The following HDLBP variants were observed in gnomAD, a reference collection of about 807,000 sequenced individuals.
The protein encoded by HDLBP is high density lipoprotein binding protein.
Under a neutral mutation model 137.3 loss-of-function variants are expected in HDLBP, and 30 were observed. That is an observed-to-expected ratio of 0.22 (90% CI 0.16 to 0.30). The LOEUF (loss-of-function observed/expected upper bound fraction) is 0.30, where lower values mean the gene tolerates loss of function less well. Ranked by LOEUF, HDLBP falls within the 10% of genes least tolerant of loss-of-function variation. The pLI is 1.00. For missense variants in HDLBP, 1,119 were observed against 1,667.3 expected (o/e 0.67, Z 5.73); for synonymous variants, 606 against 596.0 (o/e 1.02, Z -0.24).
intron 11 of HDLBP, among the ~76,000 whole-genome samples, chr2:241,251,624 G>T (rs549173558): frequency 1.3e-5 from 2 of 152,346 alleles, no homozygotes; most frequent in East Asian, 3.9e-4. Context: ...GTGTGCACTT[G>T]TTTTCAGAAC....
At position 241,272,553 on chromosome 2, in the gene HDLBP, A is replaced by G. The variant is rs1170068921; in HGVS notation, c.-102-4012T>C. The stretch of plus-strand genomic sequence containing the variant: ...GCAGAAGAGACTCGGAGCCGGCCCC[A>G]GGTCTGGCCCGGAACCGCCACGCGC... On this transcript the variant is annotated intron_variant, in intron 1 of 27. Transcript: ENST00000310931. The surrounding 1 kb of genome is among the most constrained non-coding windows in gnomAD (Gnocchi z 5.6). 31 of 983,874 alleles carry G rather than the reference A, an allele frequency of 3.2e-5. No homozygotes were observed. Among genetic ancestry groups the G allele is most frequent in the Non-Finnish European group, 8.4e-6 (7 of 829,514 alleles). The allele number at this position is 983,874 out of a possible 1,614,324, so 60.9% of individuals were successfully genotyped here.
intron 6 of HDLBP, 42 bp downstream of exon 6, chr2:241,256,558 A>T: frequency 6.3e-7 from 1 of 1,596,240 alleles, no homozygotes; most frequent in Middle Eastern, 2.1e-4. Flanking sequence ...AGGTCTGCAC[A>T]AGCAGGTAGG....
rs772856476 is a variant in HDLBP, at chr2:241,256,682, G to T, written c.575C>A (p.Pro192His). The T allele has an allele frequency of 1.2e-6, 2 of 1,614,216 alleles. No individual in the cohort carries two copies. The highest frequency in any genetic ancestry group is 1.7e-6 in the Non-Finnish European group (2 of 1,180,046). Residue 192 changes from proline (P) to histidine (H), a missense_variant, in exon 6 of 28, where the codon CCC becomes CAC. Pro to His is a moderately conservative substitution (Grantham distance 77). Coordinates refer to ENST00000310931, the MANE Select transcript of HDLBP (RefSeq NM_005336.6). ...GCCAGTGATCTTGATCTGATTGCTGGGGTCATCTGGGCGTGGGATCTGGAT... is the reference window on the plus strand; with the variant it reads ...GCCAGTGATCTTGATCTGATTGCTGTGGTCATCTGGGCGTGGGATCTGGAT... ...TKIQIPRPDD[P>H]SNQIKITGTK...
chr2:241,260,010 T>C (rs1247787753), intron 5 of HDLBP, among the ~76,000 whole-genome samples: 1 of 152,156 alleles, frequency 6.6e-6, no homozygotes, highest in Admixed American at 6.5e-5. Context: ...TATTTATTTA[T>C]TTATTATTTT....
At chr2:241,242,416 G>T in intron 17 of HDLBP, 44 bp downstream of exon 17, 1 of 1,538,170 alleles carries the variant, frequency 6.5e-7, no homozygotes, top group South Asian at 1.1e-5. Context: ...CTGTACTGAG[G>T]ACCAGGCTTC....
At chr2:241,286,559 T>C (rs1042445127) in intron 1 of HDLBP, among the ~76,000 whole-genome samples, 3 of 152,162 alleles carry the variant, frequency 2.0e-5, no homozygotes, top group African/African-American at 4.8e-5. Flanking sequence ...GAACCAATGT[T>C]CGTCCTGTAT....
chr2:241,296,411 G>T (rs1299965078), intron 1 of HDLBP, among the ~76,000 whole-genome samples: 1 of 152,162 alleles, frequency 6.6e-6, no homozygotes, highest in African/African-American at 2.4e-5. Flanking sequence ...GAAGATTAAG[G>T]AGGAAAACCT....
Position 241,230,726 on chromosome 2 carries a change from G to GA in HDLBP, c.3474+32dup. The GA allele has an allele frequency of 6.3e-7, 1 of 1,593,938 alleles. No individual in the cohort carries two copies. Among genetic ancestry groups the GA allele is most frequent in the Non-Finnish European group, 8.6e-7 (1 of 1,162,336 alleles). On this transcript the variant is annotated intron_variant, in intron 25 of 27. Transcript: ENST00000310931. This position sits in a 1 kb window ranked among gnomAD's most constrained non-coding sequence, Gnocchi z 5.0. The stretch of plus-strand genomic sequence containing the variant: ...CAGCCAGGTGCCCCCGGTGAGAGAG[G>GA]ATTCTCACCCACTGTGCTTCCAGCC...
At chr2:241,251,699 GCA>G (rs1574921167) in intron 11 of HDLBP, among the ~76,000 whole-genome samples, 4 of 152,250 alleles carry the variant, frequency 2.6e-5, no homozygotes, top group Non-Finnish European at 4.4e-5. Flanking sequence ...TCTTGGTTGG[GCA>G]CAGTGGCTCA....
intron 2 of HDLBP, chr2:241,267,704 G>A: frequency 6.5e-7 from 1 of 1,535,160 alleles, no homozygotes; most frequent in Non-Finnish European, 8.7e-7. Flanking sequence ...GGTTATAAGT[G>A]GTAGCTGCGT....
chr2:241,231,605 C>T (rs905493262), intron 24 of HDLBP, among the ~76,000 whole-genome samples: 3 of 152,148 alleles, frequency 2.0e-5, no homozygotes, highest in Non-Finnish European at 2.9e-5. Flanking sequence ...TCTTTGCCCA[C>T]GTGGGCCACA....
intron 1 of HDLBP, among the ~76,000 whole-genome samples, chr2:241,307,639 T>C (rs1199721768): frequency 2.0e-5 from 3 of 152,178 alleles, no homozygotes; most frequent in African/African-American, 7.2e-5. Context: ...CTAAACTGTA[T>C]CTTCAAAACT....
intron 1 of HDLBP, among the ~76,000 whole-genome samples, chr2:241,313,458 T>C (rs1346414071): frequency 1.3e-5 from 2 of 152,168 alleles, no homozygotes; most frequent in Non-Finnish European, 2.9e-5. Flanking sequence ...TTTTGTATTT[T>C]TAGTAGAGAC....
intron 1 of HDLBP, among the ~76,000 whole-genome samples, chr2:241,277,483 G>C (rs1309389483): frequency 6.6e-6 from 1 of 151,958 alleles, no homozygotes; most frequent in Non-Finnish European, 1.5e-5. Flanking sequence ...ATTAAAAGGG[G>C]GTCAAAAACT....
intron 1 of HDLBP, among the ~76,000 whole-genome samples, chr2:241,281,832 A>C (rs578231988): frequency 6.6e-6 from 1 of 152,320 alleles, no homozygotes; most frequent in African/African-American, 2.4e-5. Context: ...TCACTTGTTT[A>C]TTTTTATATT....
intron 1 of HDLBP, among the ~76,000 whole-genome samples, chr2:241,308,199 G>A (rs137922121): frequency 2.0e-5 from 3 of 152,262 alleles, no homozygotes; most frequent in African/African-American, 7.2e-5. Context: ...ATCTTGTTGA[G>A]CTTATTGACC....
intron 1 of HDLBP, among the ~76,000 whole-genome samples, chr2:241,306,598 A>G (rs1358993594): frequency 6.6e-6 from 1 of 152,096 alleles, no homozygotes; most frequent in African/African-American, 2.4e-5. Flanking sequence ...CTGAAATCCT[A>G]CAGGTCAAAA....
At position 241,238,795 on chromosome 2, in the gene HDLBP, G is replaced by C; in HGVS notation, c.2611-8C>G. On this transcript the variant is annotated splice_polypyrimidine_tract_variant and splice_region_variant and intron_variant, in intron 19 of 27. Transcript: ENST00000310931. The surrounding 1 kb of genome is among the most constrained non-coding windows in gnomAD (Gnocchi z 4.9). ...TAATGTCACCTGAGCTTCCTGGAGG[G>C]AGGTACACAAAGAAAAAAGAAAAGA... 1 of 1,479,264 alleles carries C rather than the reference G, an allele frequency of 6.8e-7. No homozygotes were observed. The highest frequency in any genetic ancestry group is 1.4e-5 in the South Asian group (1 of 72,392). 91.6% of individuals were successfully genotyped at this position (1,479,264 alleles called of 1,614,324 possible).
chr2:241,299,806 T>C (rs532627020), intron 1 of HDLBP, among the ~76,000 whole-genome samples: 45 of 151,756 alleles, frequency 3.0e-4, no homozygotes, highest in Non-Finnish European at 5.9e-4. Context: ...TTCCAGCTAC[T>C]GGGGAGGCTG....
Sources: gnomAD v4.1 joint callset for allele counts (sites outside exome capture counted in the v4.1 genomes callset) on GRCh38, gnomAD v4.1.1 for gene constraint, Gnocchi (gnomAD v3.1) non-coding constraint, MANE v1.5 for transcripts, NCBI Gene and HGNC (gene_info 2026-07-23, HGNC 2026-07-21) for gene names.